Variants in SIPA1L3 observed in about 807,000 individuals in gnomAD.
SIPA1L3 encodes the protein signal-induced proliferation-associated 1-like protein 3.
In SIPA1L3, 59 loss-of-function variants were observed where a neutral mutation model predicts 150.1. The ratio of observed to expected loss-of-function variants is 0.39; its 90% CI spans 0.32 to 0.49. The LOEUF is 0.49. SIPA1L3 is among the 20% of genes least tolerant of loss of function. The pLI is 0.86. For synonymous variants in SIPA1L3, 1,070 were observed against 1,077.6 expected (o/e 0.99, Z 0.14); for missense variants, 2,211 against 2,489.5 (o/e 0.89, Z 2.38).
chr19:38,162,221 TA>T, intron 13 of SIPA1L3, 31 bp from the exon 14 acceptor site: 1 of 1,570,512 alleles, frequency 6.4e-7, no homozygotes, highest in Non-Finnish European at 8.8e-7. Context: ...GAGTCACTCC[TA>T]ACCACTGGTG....
chr19:38,076,309 C>T (rs1490049200), intron 2 of SIPA1L3, among the ~76,000 whole-genome samples: 1 of 152,026 alleles, frequency 6.6e-6, no homozygotes, highest in Non-Finnish European at 1.5e-5. Context: ...TTTATCAAAA[C>T]TTACACACAC....
intron 1 of SIPA1L3, among the ~76,000 whole-genome samples, chr19:37,925,590 C>CTTTT (rs761234489): frequency 3.8e-4 from 42 of 110,760 alleles, no homozygotes; most frequent in Non-Finnish European, 4.9e-4. Flanking sequence ...TGATTTATTA[C>CTTTT]TTTTTTTTTT....
intron 2 of SIPA1L3, among the ~76,000 whole-genome samples, chr19:38,039,693 CAAAAAA>C (rs60084757): frequency 1.4e-5 from 1 of 73,548 alleles, no homozygotes; most frequent in South Asian, 4.7e-4. Flanking sequence ...GACTCTGTCT[CAAAAAA>C]AAAAAAAAAA....
Position 38,136,183 on chromosome 19 carries a change from C to CAAAAAAA in SIPA1L3, c.3144-4984_3144-4978dup, listed in dbSNP as rs56146390. Among the ~76,000 whole-genome samples the CAAAAAAA allele has an allele frequency of 3.9e-3, 171 of 44,050 alleles. 19 individuals carry two copies. The highest frequency in any genetic ancestry group is 4.5e-3 in the African/African-American group (54 of 12,000). 28.9% of individuals were successfully genotyped at this position (44,050 alleles called of 152,430 possible). On this transcript the variant is annotated intron_variant, in intron 10 of 21. Coordinates refer to ENST00000222345, the MANE Select transcript of SIPA1L3 (RefSeq NM_015073.3). ...CCTGGGCAAGAGAGTGAGACTGTCT[C>CAAAAAAA]AAAAAAAAAAAAAAAAAAAAAAAGA...
intron 6 of SIPA1L3, among the ~76,000 whole-genome samples, chr19:38,102,325 G>A (rs962433142): frequency 1.4e-4 from 21 of 151,070 alleles, no homozygotes; most frequent in Middle Eastern, 3.4e-3. Context: ...GATTACAGGC[G>A]TGAGCCACCA....
At chr19:38,042,427 G>T (rs1400941410) in intron 2 of SIPA1L3, among the ~76,000 whole-genome samples, 2 of 152,128 alleles carry the variant, frequency 1.3e-5, no homozygotes, top group Non-Finnish European at 2.9e-5. Context: ...TGGCTAGTTG[G>T]GGTTTTTTTG....
chr19:38,056,627 C>T (rs749450766), intron 2 of SIPA1L3, among the ~76,000 whole-genome samples: 6 of 152,186 alleles, frequency 3.9e-5, no homozygotes, highest in Non-Finnish European at 7.3e-5. Context: ...AGGGGGCTAT[C>T]GTGGTTACTG....
chr19:38,004,791 G>A (rs1037718993), intron 1 of SIPA1L3, among the ~76,000 whole-genome samples: 7 of 152,128 alleles, frequency 4.6e-5, no homozygotes, highest in African/African-American at 1.7e-4. Context: ...TTGGAACCAG[G>A]ACACACATGC....
chr19:37,947,701 C>T (rs2046725458), intron 1 of SIPA1L3, among the ~76,000 whole-genome samples: 1 of 152,194 alleles, frequency 6.6e-6, no homozygotes, highest in South Asian at 2.1e-4. Flanking sequence ...AACCGAAGCA[C>T]AAAGAGGTGT....
intron 2 of SIPA1L3, among the ~76,000 whole-genome samples, chr19:38,041,157 A>C (rs1357397819): frequency 6.9e-6 from 1 of 144,748 alleles, no homozygotes; most frequent in Non-Finnish European, 1.5e-5. Flanking sequence ...CCCAGGCTAG[A>C]CTGCAGTAGC....
At position 38,119,878 on chromosome 19, in the gene SIPA1L3, T is replaced by TG. The variant is rs768595776; in HGVS notation, c.2865dup (p.Lys956GlufsTer36). 1 of 1,601,688 alleles carries TG rather than the reference T, an allele frequency of 6.2e-7. No homozygotes were observed. The highest frequency in any genetic ancestry group is 8.5e-7 in the Non-Finnish European group (1 of 1,174,590). On this transcript the variant is annotated frameshift_variant, in exon 9 of 22. Transcript: ENST00000222345. LOFTEE classifies it high-confidence loss of function. ...GACATAAGGGAGATAGTGCAGAGAC[T>TG]GAAGGTAAGGGAGAGAGCCCGGCGA...
intron 1 of SIPA1L3, among the ~76,000 whole-genome samples, chr19:37,967,069 G>A (rs2046910259): frequency 6.6e-6 from 1 of 152,076 alleles, no homozygotes; most frequent in South Asian, 2.1e-4. Flanking sequence ...ATCAAGGTCT[G>A]GGCTCGGGCT....
At chr19:37,971,448 CACCACTAA>C (rs1966933217) in intron 1 of SIPA1L3, among the ~76,000 whole-genome samples, 1 of 152,162 alleles carries the variant, frequency 6.6e-6, no homozygotes, top group Non-Finnish European at 1.5e-5. Context: ...CAGCCCCTGG[CACCACTAA>C]TCTTTCTGTC....
chr19:38,168,893 A>G (rs757094745), intron 15 of SIPA1L3, among the ~76,000 whole-genome samples: 1 of 152,198 alleles, frequency 6.6e-6, no homozygotes, highest in Non-Finnish European at 1.5e-5. Flanking sequence ...CTCCTAGGCA[A>G]CCAGGCTTGA....
At chr19:37,985,232 G>A (rs965943256) in intron 1 of SIPA1L3, among the ~76,000 whole-genome samples, 1 of 148,304 alleles carries the variant, frequency 6.7e-6, no homozygotes, top group African/African-American at 2.5e-5. Flanking sequence ...GTCTCTCTCT[G>A]GTTGCCCAGG....
intron 18 of SIPA1L3, among the ~76,000 whole-genome samples, chr19:38,195,854 C>T (rs1215806619): frequency 7.1e-6 from 1 of 141,464 alleles, no homozygotes; most frequent in Non-Finnish European, 1.5e-5. Context: ...GCCTTGTATC[C>T]CCATCACCAT....
chr19:38,153,534 G>T (rs1253229157), intron 13 of SIPA1L3, among the ~76,000 whole-genome samples: 2 of 152,028 alleles, frequency 1.3e-5, no homozygotes, highest in African/African-American at 4.8e-5. Flanking sequence ...GCCGGGCATG[G>T]TGGCATGTAC....
chr19:38,125,373 C>G (rs1042543382), intron 9 of SIPA1L3, among the ~76,000 whole-genome samples: 1 of 152,170 alleles, frequency 6.6e-6, no homozygotes, highest in Admixed American at 6.5e-5. Flanking sequence ...CTCCGCCTCC[C>G]CTAATCTTGA....
intron 18 of SIPA1L3, 86 bp downstream of exon 18, chr19:38,193,866 CA>C: frequency 7.2e-7 from 1 of 1,391,854 alleles, no homozygotes; most frequent in Middle Eastern, 2.6e-4. Context: ...ACCTGGAGGT[CA>C]AAGGCTAGAG....
Sources: allele counts gnomAD v4.1 joint callset (sites outside exome capture counted in the v4.1 genomes callset), GRCh38; gene constraint gnomAD v4.1.1; transcripts MANE v1.5; gene names NCBI Gene and HGNC (gene_info 2026-07-23, HGNC 2026-07-21).